KIF5C: variants seen among roughly 807,000 people sequenced by gnomAD.
KIF5C encodes kinesin heavy chain isoform 5C.
Under a neutral mutation model 125.2 loss-of-function variants are expected in KIF5C, and 18 were observed. That is an observed-to-expected ratio of 0.14 (90% CI 0.10 to 0.21). KIF5C has a LOEUF of 0.21. Among genes scored for constraint, KIF5C ranks in the 10% least tolerant of loss-of-function variants. KIF5C has a pLI of 1.00. For synonymous variants in KIF5C, 405 were observed against 434.0 expected (o/e 0.93, Z 0.83); for missense variants, 780 against 1,183.8 (o/e 0.66, Z 5.01).
At chr2:148,929,589 TA>T (rs1292815545) in intron 3 of KIF5C, among the ~76,000 whole-genome samples, 2 of 152,258 alleles carry the variant, frequency 1.3e-5, no homozygotes, top group African/African-American at 4.8e-5. Context: ...CAATACATTC[TA>T]TTCAGAAACA....
chr2:149,010,049 A>G, intron 23 of KIF5C, 86 bp from the exon 24 acceptor site: 1 of 1,463,150 alleles, frequency 6.8e-7, no homozygotes, highest in African/African-American at 1.4e-5. Context: ...CCACCTGTTC[A>G]GCAGCAGGGG....
At chr2:148,995,125 C>T (rs776463506) in intron 17 of KIF5C, among the ~76,000 whole-genome samples, 48 of 151,962 alleles carry the variant, frequency 3.2e-4, no homozygotes, top group South Asian at 1.9e-3. Context: ...TCACCAGAGC[C>T]GGTCCATTTC....
chr2:149,020,159 C>G (rs1259349500), intron 25 of KIF5C: 1 of 152,134 alleles, frequency 6.6e-6, no homozygotes, highest in Non-Finnish European at 1.5e-5. Context: ...CTATTTTCTC[C>G]CATGAATTTA....
intron 10 of KIF5C, among the ~76,000 whole-genome samples, chr2:148,956,733 C>A (rs1446460697): frequency 6.6e-6 from 1 of 152,110 alleles, no homozygotes; most frequent in Non-Finnish European, 1.5e-5. Flanking sequence ...CCCAGAGTAG[C>A]CTTTGGTTAG....
Position 148,917,756 on chromosome 2 carries a change from T to C in KIF5C, c.127-4381T>C, listed in dbSNP as rs538074327. On this transcript the variant is annotated intron_variant, in intron 1 of 25. Coordinates refer to ENST00000435030, the MANE Select transcript of KIF5C (RefSeq NM_004522.3). ...GGTAATTCCACAGAGTGAGTTTAAA[T>C]CTCTCTGTGAAAATTTTAGCCTTTG... Among the ~76,000 whole-genome samples, 4 of 152,340 alleles carry C rather than the reference T, an allele frequency of 2.6e-5. No homozygotes were observed. In the South Asian group the frequency reaches 8.3e-4, roughly 32 times the overall value.
At chr2:148,972,337 A>T (rs1302059523) in intron 11 of KIF5C, among the ~76,000 whole-genome samples, 1 of 152,182 alleles carries the variant, frequency 6.6e-6, no homozygotes, top group Non-Finnish European at 1.5e-5. Context: ...GGAATACTGC[A>T]GACACTCTTA....
chr2:148,964,506 G>T (rs995460990), intron 11 of KIF5C, among the ~76,000 whole-genome samples: 1 of 152,144 alleles, frequency 6.6e-6, no homozygotes, highest in Non-Finnish European at 1.5e-5. Flanking sequence ...GGTCTGAGCG[G>T]GGAGGAAGGT....
At chr2:148,980,980 G>A (rs1274517065) in intron 13 of KIF5C, among the ~76,000 whole-genome samples, 1 of 152,120 alleles carries the variant, frequency 6.6e-6, no homozygotes, top group Non-Finnish European at 1.5e-5. Flanking sequence ...AAAGTGCTGA[G>A]ATTACAGGCA....
intron 1 of KIF5C, among the ~76,000 whole-genome samples, chr2:148,884,990 A>C (rs1182168592): frequency 1.2e-5 from 1 of 82,814 alleles, no homozygotes. Context: ...TTTTTTTTTG[A>C]GACGGATTCT....
chr2:148,972,759 G>C (rs917465906), intron 11 of KIF5C, among the ~76,000 whole-genome samples: 2 of 152,182 alleles, frequency 1.3e-5, no homozygotes, highest in Non-Finnish European at 2.9e-5. Flanking sequence ...AGGAGACAGT[G>C]GTATTGAAAT....
intron 1 of KIF5C, among the ~76,000 whole-genome samples, chr2:148,897,918 CAAAAAAAAAAAAAAAAAAA>C (rs55762538): frequency 1.3e-3 from 27 of 20,454 alleles, no homozygotes; most frequent in East Asian, 7.3e-3. Flanking sequence ...GACTCAGTCT[CAAAAAAAAAAAAAAAAAAA>C]AAAAAAAAAA....
In KIF5C at chr2:148,875,585, C is replaced by CA; in HGVS notation, c.-32dup. The stretch of plus-strand genomic sequence containing the variant: ...TCGTTCCCGGCCCCGGCCCCCCACC[C>CA]ATCCCCGTGCCCCCTCCCTACCGCC... On this transcript the variant is annotated 5_prime_UTR_variant, in exon 1 of 26. Transcript: ENST00000435030. 2 of 1,023,218 alleles carry CA rather than the reference C, an allele frequency of 2.0e-6. No individual in the cohort carries two copies. The highest frequency in any genetic ancestry group is 2.9e-6 in the Non-Finnish European group (2 of 682,306). 63.4% of individuals were successfully genotyped at this position (1,023,218 alleles called of 1,614,324 possible).
At position 148,994,183 on chromosome 2, in the gene KIF5C, G is replaced by A. The variant is rs564449637; in HGVS notation, c.1906-238G>A. Among the ~76,000 whole-genome samples the A allele has an allele frequency of 1.9e-4, 29 of 152,256 alleles. 2 individuals carry two copies. The South Asian group carries it at 6.0e-3, about 32-fold the overall frequency. On this transcript the variant is annotated intron_variant, in intron 16 of 25. Transcript: ENST00000435030. ...TCATGTTAACTGGATGGTGAGGAGG[G>A]GCCTGCCATGAGTGGTGTCTGTGGG...
At position 148,994,524 on chromosome 2, in the gene KIF5C, A is replaced by G; in HGVS notation, c.2009A>G (p.Lys670Arg). Residue 670 changes from lysine (K) to arginine (R), a missense_variant, in exon 17 of 26, where the codon AAG (lysine) becomes AGG (arginine). By Grantham distance (26) the Lys-to-Arg change is conservative. Around this residue, in one of 2 missense-constraint regions of KIF5C, gnomAD observed 573 missense variants for 742.6 expected, o/e 0.77. Transcript: ENST00000435030. Reference protein sequence around the residue: ...SQDSLSEELAKLRAQEKMHEV... With the variant: ...SQDSLSEELARLRAQEKMHEV... ...GACTCGCTCAGCGAAGAGCTGGCAA[A>G]GCTCCGAGCCCAGGGTAAATATTTG... The G allele has an allele frequency of 6.4e-7, 1 of 1,563,228 alleles. No homozygotes were observed. The highest frequency in any genetic ancestry group is 8.7e-7 in the Non-Finnish European group (1 of 1,153,810).
In KIF5C at chr2:148,934,172, T is replaced by C. The variant is rs527342617; in HGVS notation, c.292-3112T>C. Among the ~76,000 whole-genome samples, 895 of 145,742 alleles carry C rather than the reference T, an allele frequency of 6.1e-3. 8 individuals carry two copies. The highest frequency in any genetic ancestry group is 0.022 in the African/African-American group (859 of 38,744). The stretch of plus-strand genomic sequence containing the variant: ...CACAGACATATACACATCACACACA[T>C]ATGCACACACAGACACACCACACAT... On this transcript the variant is annotated intron_variant, in intron 3 of 25. Transcript: ENST00000435030.
At chr2:148,954,579 C>T (rs764251248) in intron 10 of KIF5C, among the ~76,000 whole-genome samples, 6 of 152,068 alleles carry the variant, frequency 3.9e-5, no homozygotes, top group Admixed American at 2.6e-4. Flanking sequence ...AGACCTGAAT[C>T]GGCACATCTT....
chr2:148,987,963 G>A (rs1681426064), intron 15 of KIF5C, among the ~76,000 whole-genome samples: 1 of 152,108 alleles, frequency 6.6e-6, no homozygotes, highest in South Asian at 2.1e-4. Flanking sequence ...GGGGTAGGGA[G>A]GTGGAGAGGT....
At chr2:148,975,644 G>A (rs553841954) in intron 12 of KIF5C, among the ~76,000 whole-genome samples, 21 of 152,316 alleles carry the variant, frequency 1.4e-4, no homozygotes, top group South Asian at 1.2e-3. Flanking sequence ...TGTCCCTTCT[G>A]TTCCTCCGTG....
At position 149,023,609 on chromosome 2, in the gene KIF5C, G is replaced by A. The variant is rs1682599595; in HGVS notation, c.*539G>A. 2 of 152,626 alleles carry A rather than the reference G, an allele frequency of 1.3e-5. No homozygotes were observed. Among genetic ancestry groups the A allele is most frequent in the East Asian group, 1.9e-4 (1 of 5,182 alleles). 9.5% of individuals were successfully genotyped at this position (152,626 alleles called of 1,614,324 possible). A position where few individuals can be genotyped will look rare whatever the true frequency, so the allele number is the denominator to read the frequency against. On this transcript the variant is annotated 3_prime_UTR_variant, in exon 26 of 26. Coordinates refer to ENST00000435030, the MANE Select transcript of KIF5C (RefSeq NM_004522.3). Reference sequence around the variant, plus strand: ...CCAAAGACACATTTTGAATATCCTGGTCACATCTTTGGATCTGTAAAATAT... The same window carrying A: ...CCAAAGACACATTTTGAATATCCTGATCACATCTTTGGATCTGTAAAATAT...
Sources: allele counts gnomAD v4.1 joint callset (sites outside exome capture counted in the v4.1 genomes callset), GRCh38; gene constraint gnomAD v4.1.1; regional missense constraint gnomAD v4.1.1; transcripts MANE v1.5; gene names NCBI Gene and HGNC (gene_info 2026-07-23, HGNC 2026-07-21).